Variants in UBE2V2 observed in about 807,000 individuals in gnomAD.
The protein encoded by UBE2V2 is ubiquitin-conjugating enzyme E2 variant 2.
A neutral mutation model predicts 17.2 loss-of-function variants in UBE2V2; 9 were observed. The observed-to-expected ratio is 0.52, with a 90% CI of 0.32 to 0.91. UBE2V2 has a LOEUF of 0.91. Ranked by LOEUF, UBE2V2 falls within the 40% of genes least tolerant of loss-of-function variation. The pLI, the probability that UBE2V2 is intolerant of heterozygous loss-of-function variation, is 0.04. For missense variants in UBE2V2, 133 were observed against 182.6 expected, an observed-to-expected ratio of 0.73 and a Z score of 1.56; for synonymous variants, 61 against 57.5, an observed-to-expected ratio of 1.06 and a Z score of -0.28.
At chr8:48,032,226 T>C (rs1376266591) in intron 1 of UBE2V2, among the ~76,000 whole-genome samples, 1 of 152,212 alleles carries the variant, frequency 6.6e-6, no homozygotes, top group Non-Finnish European at 1.5e-5. Flanking sequence ...GCAATTGTGA[T>C]CAATTTAAAC....
intron 1 of UBE2V2, among the ~76,000 whole-genome samples, chr8:48,036,520 GC>G (rs2154507517): frequency 6.6e-6 from 1 of 152,006 alleles, no homozygotes; most frequent in South Asian, 2.1e-4. Flanking sequence ...TGCAACCTCT[GC>G]CACCTGGGTT....
rs1424001065 is a variant in UBE2V2 at position 48,013,021 on chromosome 8, A to G, written c.16+4551A>G. ...CTGTCACACCCGGATAATTTTTTGT[A>G]TTTTTAGTAGAGACAGGGTTTCACC... On this transcript the variant is annotated intron_variant, in intron 1 of 3. Transcript: ENST00000523111. 5.9e-5 allele frequency among the ~76,000 whole-genome samples: 9 copies of G among 151,302 alleles called. No homozygotes were observed. In the South Asian group the frequency reaches 1.9e-3, roughly 32 times the overall value.
At chr8:48,043,420 G>A (rs1403708154) in intron 2 of UBE2V2, 10 of 301,190 alleles carry the variant, frequency 3.3e-5, no homozygotes. Context: ...TAGTAAGGGA[G>A]AAAAAATCAG....
intron 1 of UBE2V2, among the ~76,000 whole-genome samples, chr8:48,026,018 G>A (rs2091342862): frequency 6.6e-6 from 1 of 152,124 alleles, no homozygotes; most frequent in African/African-American, 2.4e-5. Flanking sequence ...ACAACCTGAT[G>A]AGTTATCCTA....
intron 1 of UBE2V2, among the ~76,000 whole-genome samples, chr8:48,021,050 T>C (rs950813699): frequency 6.6e-6 from 1 of 151,546 alleles, no homozygotes; most frequent in Non-Finnish European, 1.5e-5. Flanking sequence ...TGGCTTGTTA[T>C]TGCTTTTTAT....
At chr8:48,033,748 A>G (rs1280547326) in intron 1 of UBE2V2, among the ~76,000 whole-genome samples, 3 of 151,974 alleles carry the variant, frequency 2.0e-5, no homozygotes, top group Admixed American at 2.0e-4. Context: ...ACTTGAGCCC[A>G]GGAGTTCGAG....
At chr8:48,052,374 T>C (rs1585444230) in intron 3 of UBE2V2, among the ~76,000 whole-genome samples, 1 of 152,310 alleles carries the variant, frequency 6.6e-6, no homozygotes, top group African/African-American at 2.4e-5. Context: ...TGTTCTACAT[T>C]GTCATGGAAG....
chr8:48,023,372 C>T (rs1281551138), intron 1 of UBE2V2, among the ~76,000 whole-genome samples: 2 of 151,908 alleles, frequency 1.3e-5, no homozygotes, highest in Non-Finnish European at 2.9e-5. Context: ...CGCACCACCA[C>T]GCTCAGCTGA....
chr8:48,033,508 A>G (rs1441983779), intron 1 of UBE2V2, among the ~76,000 whole-genome samples: 2 of 152,056 alleles, frequency 1.3e-5, no homozygotes, highest in Non-Finnish European at 2.9e-5. Flanking sequence ...TTTTAAAATA[A>G]AATTTATTGT....
chr8:48,038,199 C>T (rs2091437581), intron 1 of UBE2V2, among the ~76,000 whole-genome samples: 1 of 152,206 alleles, frequency 6.6e-6, no homozygotes, highest in African/African-American at 2.4e-5. Flanking sequence ...ATTCTTGCTT[C>T]AGATTGTTTT....
At position 48,064,389 on chromosome 8, in the gene UBE2V2, T is replaced by C. The variant is rs1039541192; in HGVS notation, c.*3561T>C. 3 of 152,142 alleles carry C rather than the reference T, an allele frequency of 2.0e-5. No homozygotes were observed. The highest frequency in any genetic ancestry group is 2.9e-5 in the Non-Finnish European group (2 of 68,020). The allele number at this position is 152,142 out of a possible 1,614,324, so 9.4% of individuals were successfully genotyped here. On this transcript the variant is annotated 3_prime_UTR_variant, in exon 4 of 4. Transcript: ENST00000523111. ...ATTGTGTATTTTTTTGTATACAAGA[T>C]AAAAGTGTCATAAAAAGGAATGGAT...
the UBE2V2 span, among the ~76,000 whole-genome samples, chr8:47,998,352 A>G: frequency 6.6e-6 from 1 of 151,916 alleles, no homozygotes; most frequent in Non-Finnish European, 1.5e-5. Flanking sequence ...GGTGACAAGG[A>G]CGTGGAAGAG....
intron 1 of UBE2V2, among the ~76,000 whole-genome samples, chr8:48,038,140 A>G (rs2091437196): frequency 6.6e-6 from 1 of 152,214 alleles, no homozygotes; most frequent in South Asian, 2.1e-4. Context: ...AACACCAGGA[A>G]AATACGTGAA....
chr8:47,999,487 G>C, the UBE2V2 span, among the ~76,000 whole-genome samples: 1 of 151,932 alleles, frequency 6.6e-6, no homozygotes, highest in African/African-American at 2.4e-5. Flanking sequence ...CTCCCGAGTA[G>C]CTGGGATTAC....
At chr8:48,016,781 CT>C (rs554494819) in intron 1 of UBE2V2, among the ~76,000 whole-genome samples, 3,450 of 128,440 alleles carry the variant, frequency 0.027, 115 homozygotes, top group African/African-American at 0.083. Flanking sequence ...CGTGCCCAGC[CT>C]TTTTTTTTTT....
chr8:48,045,299 C>G (rs2091491635), intron 2 of UBE2V2, among the ~76,000 whole-genome samples: 3 of 152,076 alleles, frequency 2.0e-5, no homozygotes, highest in Admixed American at 2.0e-4. Context: ...AAGGAAGACC[C>G]AAAGAAACAG....
intron 1 of UBE2V2, among the ~76,000 whole-genome samples, chr8:48,022,224 G>A (rs2091310675): frequency 1.3e-5 from 2 of 149,540 alleles, no homozygotes; most frequent in South Asian, 2.1e-4. Context: ...TGCAACCTTC[G>A]CCTCCCGGGT....
intron 3 of UBE2V2, among the ~76,000 whole-genome samples, chr8:48,055,954 T>A (rs2091568892): frequency 6.6e-6 from 1 of 152,068 alleles, no homozygotes; most frequent in African/African-American, 2.4e-5. Context: ...GAGACGGGGT[T>A]TCACTGTGTT....
intron 1 of UBE2V2, among the ~76,000 whole-genome samples, chr8:48,039,189 C>T (rs1229995209): frequency 1.3e-5 from 2 of 152,140 alleles, no homozygotes; most frequent in African/African-American, 2.4e-5. Context: ...CGTGAGCCAC[C>T]GTGCCTCGCC....
Sources: gnomAD v4.1 joint callset for allele counts (sites outside exome capture counted in the v4.1 genomes callset) on GRCh38, gnomAD v4.1.1 for gene constraint, MANE v1.5 for transcripts, NCBI Gene and HGNC (gene_info 2026-07-23, HGNC 2026-07-21) for gene names.